Variants in CFAP299 observed in about 807,000 individuals in gnomAD.
CFAP299 encodes cilia and flagella associated protein 299, also known as cilia- and flagella-associated protein 299.
Under a neutral mutation model 27.0 loss-of-function variants are expected in CFAP299, and 21 were observed. The observed-to-expected ratio is 0.78, with a 90% CI of 0.55 to 1.12. The LOEUF (loss-of-function observed/expected upper bound fraction) is 1.12, where lower values mean the gene tolerates loss of function less well. CFAP299 is among the 50% of genes most tolerant of loss of function. The probability of loss-of-function intolerance (pLI) is 0.00; values close to 1 mark genes in which losing one functional copy is unlikely to be tolerated. For missense variants in CFAP299, 310 were observed against 276.6 expected, an observed-to-expected ratio of 1.12 and a Z score of -0.86; for synonymous variants, 104 against 98.1, an observed-to-expected ratio of 1.06 and a Z score of -0.36.
At chr4:80,635,995 A>G (rs932233839) in intron 3 of CFAP299, among the ~76,000 whole-genome samples, 1 of 152,200 alleles carries the variant, frequency 6.6e-6, no homozygotes, top group African/African-American at 2.4e-5. Flanking sequence ...CTGATACTAA[A>G]AGGAAATGTA....
At chr4:80,569,634 G>C (rs1735485652) in intron 2 of CFAP299, among the ~76,000 whole-genome samples, 1 of 151,912 alleles carries the variant, frequency 6.6e-6, no homozygotes, top group South Asian at 2.1e-4. Context: ...AAAATTGCAT[G>C]ATGCAAGGTA....
intron 3 of CFAP299, among the ~76,000 whole-genome samples, chr4:80,737,355 A>C (rs1723969370): frequency 6.6e-6 from 1 of 152,128 alleles, no homozygotes; most frequent in Non-Finnish European, 1.5e-5. Flanking sequence ...AGCAGAAAAA[A>C]GAATGGTATT....
At chr4:80,449,602 A>T (rs1003157354) in intron 2 of CFAP299, among the ~76,000 whole-genome samples, 6 of 151,610 alleles carry the variant, frequency 4.0e-5, no homozygotes, top group Non-Finnish European at 5.9e-5. Flanking sequence ...TTCTTAAAAA[A>T]CGTTTTAAAT....
intron 4 of CFAP299, chr4:80,870,830 A>G (rs1733041875): frequency 9.1e-6 from 9 of 984,776 alleles, no homozygotes; most frequent in Non-Finnish European, 1.1e-5. Context: ...AACAATACCT[A>G]CCTCCTCTGA....
At chr4:80,329,343 G>T in the CFAP299 span, among the ~76,000 whole-genome samples, 13 of 151,422 alleles carry the variant, frequency 8.6e-5, no homozygotes, top group South Asian at 2.7e-3. Context: ...ACCAGTTCAG[G>T]TCCTCCTTCT....
chr4:80,446,914 G>T (rs1728642257), intron 2 of CFAP299, among the ~76,000 whole-genome samples: 1 of 152,042 alleles, frequency 6.6e-6, no homozygotes, highest in Non-Finnish European at 1.5e-5. Flanking sequence ...TTTGCAAAGG[G>T]TTTTGCAATT....
At chr4:80,795,765 G>T (rs186278849) in intron 3 of CFAP299, among the ~76,000 whole-genome samples, 1 of 152,140 alleles carries the variant, frequency 6.6e-6, no homozygotes, top group African/African-American at 2.4e-5. Flanking sequence ...AGTTCAGGTC[G>T]CATGGTGACT....
upstream of CFAP299, among the ~76,000 whole-genome samples, chr4:80,333,182 C>G (rs1722002905): frequency 6.6e-6 from 1 of 152,142 alleles, no homozygotes; most frequent in African/African-American, 2.4e-5. Context: ...GACAGAGAAG[C>G]AGTGGAACCA....
chr4:80,465,606 A>T (rs1044218164), intron 2 of CFAP299, among the ~76,000 whole-genome samples: 4 of 152,212 alleles, frequency 2.6e-5, no homozygotes, highest in Non-Finnish European at 4.4e-5. Flanking sequence ...TTGCTATATT[A>T]TGAGAAATTA....
chr4:80,535,723 A>T (rs974838610), intron 2 of CFAP299, among the ~76,000 whole-genome samples: 1 of 152,156 alleles, frequency 6.6e-6, no homozygotes, highest in African/African-American at 2.4e-5. Flanking sequence ...TTTGTGCTTT[A>T]ACTGGGTATG....
intron 2 of CFAP299, among the ~76,000 whole-genome samples, chr4:80,373,226 C>T (rs1237091293): frequency 5.9e-5 from 9 of 152,034 alleles, no homozygotes; most frequent in Admixed American, 1.3e-4. Context: ...CCCCCATAAG[C>T]TTCCACTCTA....
chr4:80,800,769 A>G (rs1429679917), intron 3 of CFAP299, among the ~76,000 whole-genome samples: 17 of 127,954 alleles, frequency 1.3e-4, no homozygotes, highest in African/African-American at 5.1e-4. Flanking sequence ...GTGTGTGTGT[A>G]TATATATATA....
At chr4:80,854,974 A>G (rs1731759921) in intron 3 of CFAP299, among the ~76,000 whole-genome samples, 1 of 152,138 alleles carries the variant, frequency 6.6e-6, no homozygotes, top group Non-Finnish European at 1.5e-5. Flanking sequence ...ATAAAGAGAA[A>G]AAATGAGCAA....
chr4:80,430,826 CT>C (rs1336495847), intron 2 of CFAP299, among the ~76,000 whole-genome samples: 1 of 152,208 alleles, frequency 6.6e-6, no homozygotes, highest in African/African-American at 2.4e-5. Flanking sequence ...AATCTATCAT[CT>C]TTTTACCTCA....
intron 2 of CFAP299, chr4:80,387,301 G>A (rs1725068238): frequency 6.8e-6 from 11 of 1,610,706 alleles, no homozygotes; most frequent in African/African-American, 4.0e-5. Context: ...GAAATGTGTC[G>A]AGCTTTGGGA....
chr4:80,322,012 G>A, the CFAP299 span, among the ~76,000 whole-genome samples: 1 of 152,172 alleles, frequency 6.6e-6, no homozygotes, highest in Non-Finnish European at 1.5e-5. Context: ...GATACCCAAG[G>A]AGATGGGGAA....
At chr4:80,353,378 T>C (rs1723106066) in intron 1 of CFAP299, among the ~76,000 whole-genome samples, 1 of 152,208 alleles carries the variant, frequency 6.6e-6, no homozygotes, top group Admixed American at 6.5e-5. Context: ...GGAGTGCAAA[T>C]TCTGAGAGTG....
chr4:80,524,103 G>A (rs1354224874), intron 2 of CFAP299, among the ~76,000 whole-genome samples: 5 of 152,076 alleles, frequency 3.3e-5, no homozygotes, highest in African/African-American at 9.7e-5. Context: ...AACTCTTGAA[G>A]TACTCAAACT....
intron 3 of CFAP299, among the ~76,000 whole-genome samples, chr4:80,689,745 G>A (rs1300683049): frequency 6.6e-6 from 1 of 152,124 alleles, no homozygotes; most frequent in Non-Finnish European, 1.5e-5. Context: ...GACATAGACT[G>A]GCAAATTGGA....
Sources: gnomAD v4.1 joint callset for allele counts (sites outside exome capture counted in the v4.1 genomes callset) on GRCh38, gnomAD v4.1.1 for gene constraint, MANE v1.5 for transcripts, NCBI Gene and HGNC (gene_info 2026-07-23, HGNC 2026-07-21) for gene names.